NRBP1: variants seen among roughly 807,000 people sequenced by gnomAD.
NRBP1 encodes the protein nuclear receptor-binding protein.
NRBP1 carries 10 observed loss-of-function variants against 76.0 expected under a neutral mutation model. The observed-to-expected ratio is 0.13, with a 90% CI of 0.08 to 0.22. The LOEUF is 0.22. Among genes scored for constraint, NRBP1 ranks in the 10% least tolerant of loss-of-function variants. NRBP1 has a pLI of 1.00. For synonymous variants in NRBP1, 235 were observed against 240.2 expected (o/e 0.98, Z 0.20); for missense variants, 344 against 646.0 (o/e 0.53, Z 5.07).
At chr2:27,439,427 G>A (rs1664437855) in intron 10 of NRBP1, among the ~76,000 whole-genome samples, 1 of 150,460 alleles carries the variant, frequency 6.6e-6, no homozygotes, top group Admixed American at 6.6e-5. Flanking sequence ...AGAGGTTGCA[G>A]TGAGCTGAGA....
chr2:27,435,128 C>T lies in NRBP1; in HGVS notation c.567-5C>T, dbSNP rs765185619. 5 of 1,612,450 alleles carry T rather than the reference C, an allele frequency of 3.1e-6. No homozygotes were observed. The highest frequency in any genetic ancestry group is 1.3e-5 in the African/African-American group (1 of 74,952). ...GGCCCCTCTAACAGCCCAGTGCCCC[C>T]ACAGCTACCTGCACTCCTGTGACCC... On this transcript the variant is annotated splice_region_variant and splice_polypyrimidine_tract_variant and intron_variant, in intron 6 of 17. Coordinates refer to ENST00000379852, the MANE Select transcript of NRBP1 (RefSeq NM_013392.4).
intron 7 of NRBP1, chr2:27,435,663 C>A: frequency 1.4e-6 from 1 of 717,570 alleles, no homozygotes; most frequent in South Asian, 1.5e-5. Flanking sequence ...GCTGCTCCAT[C>A]GCTCACAACT....
chr2:27,441,436 A>T, intron 16 of NRBP1, 106 bp downstream of exon 16: 1 of 1,421,136 alleles, frequency 7.0e-7, no homozygotes. Context: ...ATTGACTCAC[A>T]TAGAATGACT....
chr2:27,433,332 C>A lies in NRBP1; in HGVS notation c.59C>A (p.Ser20Tyr). ...LSSGSDPKVE[S>Y]SSSAPGLTSV... ...AGTGGCTCAGACCCAAAGGTAGAATCCTCATCTTCAGCTCCTGGCCTGACA... is the reference window on the plus strand; with the variant it reads ...AGTGGCTCAGACCCAAAGGTAGAATACTCATCTTCAGCTCCTGGCCTGACA... The change falls in exon 2 of 18, where the codon TCC (serine) becomes TAC (tyrosine). Residue 20 changes from serine (S) to tyrosine (Y), a missense_variant. This residue lies in a region of NRBP1 where 53 missense variants were observed against 48.4 expected (regional missense o/e 1.09). Coordinates refer to ENST00000379852, the MANE Select transcript of NRBP1 (RefSeq NM_013392.4). 6.2e-7 allele frequency: 1 copy of A among 1,614,232 alleles called. No homozygotes were observed.
intron 6 of NRBP1, 43 bp downstream of exon 6, chr2:27,434,805 T>C (rs1373837753): frequency 1.9e-6 from 3 of 1,585,666 alleles, no homozygotes; most frequent in East Asian, 4.5e-5. Flanking sequence ...TTTCCTGATG[T>C]AGTTACTCCA....
rs1664612966 is a variant in NRBP1, at chr2:27,442,196, GCCCTGGGGGGC to G, written c.*386_*396del. Reference sequence around the variant, plus strand: ...AGAGAAAGGTGGTGCTGCAGTGGTGGCCCTGGGGGGCCATTCGATTCGCCTCAGTTGCTGCT... The same window carrying G: ...AGAGAAAGGTGGTGCTGCAGTGGTGGCATTCGATTCGCCTCAGTTGCTGCT... On this transcript the variant is annotated 3_prime_UTR_variant, in exon 18 of 18. Transcript: ENST00000379852. The G allele has an allele frequency of 1.9e-6, 1 of 539,878 alleles. No homozygotes were observed. Among genetic ancestry groups the G allele is most frequent in the African/African-American group, 2.0e-5 (1 of 49,332 alleles). The allele number at this position is 539,878 out of a possible 1,614,324, so 33.4% of individuals were successfully genotyped here.
chr2:27,434,867 C>G, intron 6 of NRBP1, 105 bp downstream of exon 6: 1 of 1,207,284 alleles, frequency 8.3e-7, no homozygotes, highest in African/African-American at 1.5e-5. Flanking sequence ...TCCCCACTTT[C>G]TTTGAATCAT....
chr2:27,429,625 T>G (rs1280583465), intron 1 of NRBP1, among the ~76,000 whole-genome samples: 1 of 151,916 alleles, frequency 6.6e-6, no homozygotes, highest in African/African-American at 2.4e-5. Flanking sequence ...GTCGCAGAGG[T>G]TTCTTCATCA....
chr2:27,438,314 A>G (rs917711551), intron 10 of NRBP1, among the ~76,000 whole-genome samples: 10 of 152,350 alleles, frequency 6.6e-5, no homozygotes, highest in Middle Eastern at 3.4e-3. Context: ...ATTTAAATTA[A>G]ACCAGTTGTT....
intron 1 of NRBP1, among the ~76,000 whole-genome samples, chr2:27,432,982 A>C (rs1167344176): frequency 6.6e-6 from 1 of 152,012 alleles, no homozygotes; most frequent in Non-Finnish European, 1.5e-5. Flanking sequence ...TGGTTCAAAA[A>C]AATTCTCCTG....
chr2:27,439,209 C>T (rs1255595661), intron 10 of NRBP1, among the ~76,000 whole-genome samples: 1 of 151,892 alleles, frequency 6.6e-6, no homozygotes, highest in African/African-American at 2.4e-5. Context: ...AGTGTGGGGC[C>T]GGGCGCGGTG....
chr2:27,432,579 T>TG (rs1664150264), intron 1 of NRBP1, among the ~76,000 whole-genome samples: 1 of 151,840 alleles, frequency 6.6e-6, no homozygotes. Context: ...TAAATCTTTT[T>TG]TTTTGTTTGT....
intron 16 of NRBP1, 83 bp from the exon 17 acceptor site, chr2:27,441,484 A>G: frequency 6.7e-7 from 1 of 1,502,080 alleles, no homozygotes; most frequent in Non-Finnish European, 9.3e-7. Context: ...TCTGACTGAC[A>G]GTTTAGCCCT....
intron 1 of NRBP1, among the ~76,000 whole-genome samples, chr2:27,429,517 G>A (rs982671802): frequency 2.6e-5 from 3 of 117,084 alleles, no homozygotes; most frequent in Non-Finnish European, 3.4e-5. Context: ...GTCTCAGGGT[G>A]GCTGGAGGCG....
At chr2:27,435,036 G>T in intron 6 of NRBP1, 97 bp from the exon 7 acceptor site, 1 of 724,566 alleles carries the variant, frequency 1.4e-6, no homozygotes, top group Non-Finnish European at 2.4e-6. Flanking sequence ...TCTTTATGGT[G>T]ACCAGCAGGA....
Position 27,441,785 on chromosome 2 carries a change from C to T in NRBP1, c.1581C>T (p.Asn527=), listed in dbSNP as rs761556440. 1.2e-6 allele frequency: 2 copies of T among 1,613,256 alleles called. No homozygotes were observed. The highest frequency in any genetic ancestry group is 1.1e-5 in the South Asian group (1 of 91,058). ...KFNFARNSTL[N]SAAVTVSS ...ATTTTGCCAGGAACAGTACCCTCAA[C>T]TCAGCCGCTGTCACCGTCTCCTCTT... Residue 527 remains asparagine, a synonymous_variant, in exon 18 of 18, where the codon AAC becomes AAT. Coordinates refer to ENST00000379852, the MANE Select transcript of NRBP1 (RefSeq NM_013392.4).
chr2:27,439,484 CAAAAAA>C (rs70953858), intron 10 of NRBP1, among the ~76,000 whole-genome samples: 1 of 66,686 alleles, frequency 1.5e-5, no homozygotes. Context: ...GACTCCGTCT[CAAAAAA>C]AAAAAAAAAA....
chr2:27,435,253 A>G (rs1057060693), intron 7 of NRBP1, 26 bp downstream of exon 7: 1 of 1,597,820 alleles, frequency 6.3e-7, no homozygotes, highest in Non-Finnish European at 8.6e-7. Context: ...GGTTCTGGGC[A>G]GGGGAGCCTC....
rs754561047 is a variant in NRBP1 at position 27,441,162 on chromosome 2, G to T, written c.1365G>T (p.Glu455Asp). The change falls in exon 15 of 18, where the codon GAG (glutamate) becomes GAT (aspartate). Residue 455 changes from glutamate to aspartate, a missense_variant. Physicochemically the swap from Glu to Asp is conservative, Grantham distance 45. Around this residue, in one of 3 missense-constraint regions of NRBP1, gnomAD observed 218 missense variants for 309.8 expected, o/e 0.70. Coordinates refer to ENST00000379852, the MANE Select transcript of NRBP1 (RefSeq NM_013392.4). Reference protein sequence around the residue: ...VLMQCNIESVEEGVKHHLTLL... With the variant: ...VLMQCNIESVDEGVKHHLTLL... Reference sequence around the variant, plus strand: ...TGCAGTGCAACATTGAGTCGGTGGAGGAGGGAGTCAAACACCACGTAAGGC... The same window carrying T: ...TGCAGTGCAACATTGAGTCGGTGGATGAGGGAGTCAAACACCACGTAAGGC... The T allele has an allele frequency of 1.2e-6, 2 of 1,613,922 alleles. No homozygotes were observed. The highest frequency in any genetic ancestry group is 1.7e-6 in the Non-Finnish European group (2 of 1,180,030).
Sources: allele counts gnomAD v4.1 joint callset (sites outside exome capture counted in the v4.1 genomes callset), GRCh38; gene constraint gnomAD v4.1.1; regional missense constraint gnomAD v4.1.1; transcripts MANE v1.5; gene names NCBI Gene and HGNC (gene_info 2026-07-23, HGNC 2026-07-21).